The following DDX50 variants were observed in gnomAD, a reference collection of about 807,000 sequenced individuals.
DDX50 encodes the protein ATP-dependent RNA helicase DDX50.
DDX50 carries 56 observed loss-of-function variants against 94.8 expected under a neutral mutation model. The observed-to-expected ratio is 0.59, with a 90% confidence interval of 0.48 to 0.74. The LOEUF (loss-of-function observed/expected upper bound fraction) is 0.74, where lower values mean the gene tolerates loss of function less well. Ranked by LOEUF, DDX50 falls within the 30% of genes least tolerant of loss-of-function variation. The pLI, the probability that DDX50 is intolerant of heterozygous loss-of-function variation, is 0.00. For missense variants in DDX50, 713 were observed against 881.2 expected, an observed-to-expected ratio of 0.81 and a Z score of 2.42; for synonymous variants, 264 against 295.4, an observed-to-expected ratio of 0.89 and a Z score of 1.09.
rs1254760176 is a variant in DDX50, at chr10:68,923,024, C to T, written c.1239+3043C>T. Among the ~76,000 whole-genome samples, 7 of 146,412 alleles carry T rather than the reference C, an allele frequency of 4.8e-5. No homozygotes were observed. The East Asian group carries it at 1.2e-3, about 26-fold the overall frequency. On this transcript the variant is annotated intron_variant, in intron 8 of 14. Transcript: ENST00000373585. ...CAGGCTGGTCTCAAACTCTTGACCT[C>T]GTGATCTGCCCGCCTTGGCCTCCCA...
At chr10:68,909,548 A>T (rs1841564200) in intron 2 of DDX50, among the ~76,000 whole-genome samples, 1 of 152,134 alleles carries the variant, frequency 6.6e-6, no homozygotes, top group African/African-American at 2.4e-5. Flanking sequence ...TAATCTTTAT[A>T]ATTTTGTCTA....
chr10:68,937,182 G>A (rs1320150984), intron 12 of DDX50, 87 bp downstream of exon 12: 3 of 1,358,350 alleles, frequency 2.2e-6, no homozygotes, highest in Admixed American at 5.0e-5. Context: ...TGTGCTTTTT[G>A]TGCAGAAAAA....
chr10:68,942,760 T>C (rs184224731), intron 13 of DDX50, among the ~76,000 whole-genome samples: 295 of 152,134 alleles, frequency 1.9e-3, no homozygotes, highest in African/African-American at 6.7e-3. Context: ...ACTACAGTCA[T>C]GCATCACCAC....
At position 68,941,245 on chromosome 10, in the gene DDX50, T is replaced by C; in HGVS notation, c.1890+51T>C. The C allele has an allele frequency of 1.9e-6, 3 of 1,590,384 alleles. No individual in the cohort carries two copies. In the South Asian group the frequency reaches 3.5e-5, roughly 18 times the overall value. ...GCTTTTTAATCAACTACCCCAAATG[T>C]TTACAAACACTAGCAAATTTTGTTC... On this transcript the variant is annotated intron_variant, in intron 13 of 14. Coordinates refer to ENST00000373585, the MANE Select transcript of DDX50 (RefSeq NM_024045.2).
chr10:68,916,046 A>G (rs1841780518), intron 7 of DDX50, among the ~76,000 whole-genome samples: 1 of 152,090 alleles, frequency 6.6e-6, no homozygotes, highest in East Asian at 1.9e-4. Context: ...GGGAAGGGGC[A>G]TGCTGGATGG....
Position 68,937,104 on chromosome 10 carries a change from C to T in DDX50, c.1755+9C>T, listed in dbSNP as rs1196325501. On this transcript the variant is annotated intron_variant, in intron 12 of 14. Coordinates refer to ENST00000373585, the MANE Select transcript of DDX50 (RefSeq NM_024045.2). Reference sequence around the variant, plus strand: ...TGATCACCTCTGATAAGGTAGAAATCTGTGAGAAAATTGTACATGAGTGGG... The same window carrying T: ...TGATCACCTCTGATAAGGTAGAAATTTGTGAGAAAATTGTACATGAGTGGG... 6 of 1,582,118 alleles carry T rather than the reference C, an allele frequency of 3.8e-6. No individual in the cohort carries two copies. Among genetic ancestry groups the T allele is most frequent in the Non-Finnish European group, 5.2e-6 (6 of 1,159,360 alleles).
chr10:68,931,601 C>T (rs996145697), intron 8 of DDX50, among the ~76,000 whole-genome samples: 36 of 151,268 alleles, frequency 2.4e-4, no homozygotes, highest in African/African-American at 8.0e-4. Context: ...CCACCACACC[C>T]GGCTACTTTT....
chr10:68,916,267 T>C (rs1841787586), intron 7 of DDX50, among the ~76,000 whole-genome samples: 1 of 151,216 alleles, frequency 6.6e-6, no homozygotes. Context: ...GGCAGGAGAA[T>C]TGCTTGAACC....
intron 8 of DDX50, among the ~76,000 whole-genome samples, chr10:68,924,087 AGCTGGGATTAGAGTT>A (rs1483459071): frequency 2.0e-5 from 3 of 150,954 alleles, no homozygotes; most frequent in South Asian, 4.2e-4. Context: ...GTACTACAGT[AGCTGGGATTAGAGTT>A]GCTGGGATTA....
Position 68,911,068 on chromosome 10 carries a change from G to A in DDX50, c.461G>A (p.Gly154Asp), listed in dbSNP as rs1156282215. The A allele has an allele frequency of 1.3e-6, 2 of 1,528,284 alleles. No individual in the cohort carries two copies. The highest frequency in any genetic ancestry group is 2.2e-5 in the Admixed American group (1 of 45,840). The allele number at this position is 1,528,284 out of a possible 1,614,324, so 94.7% of individuals were successfully genotyped here. ...ISEETIKLLKGRGVTYLFPIQ... is the reference protein window; with the variant it reads ...ISEETIKLLKDRGVTYLFPIQ... ...ATTTTAATTAAATCTCATTTTACAG[G>A]TCGAGGGGTAACATATCTCTTTCCT... The change falls in exon 4 of 15, where the codon GGT (glycine) becomes GAT (aspartate). Residue 154 changes from glycine (G) to aspartate (D), a missense_variant and splice_region_variant. By Grantham distance (94) the Gly-to-Asp change is moderately conservative. Transcript: ENST00000373585.
At chr10:68,913,931 CTG>C (rs1841709073) in intron 6 of DDX50, 126 bp from the exon 7 acceptor site, 1 of 912,084 alleles carries the variant, frequency 1.1e-6, no homozygotes, top group East Asian at 3.0e-5. Context: ...GCAATGAAGT[CTG>C]TGTGTTAAAA....
At chr10:68,902,996 G>T (rs1841334711) in intron 1 of DDX50, among the ~76,000 whole-genome samples, 1 of 152,154 alleles carries the variant, frequency 6.6e-6, no homozygotes, top group African/African-American at 2.4e-5. Flanking sequence ...TAAATTGGTG[G>T]CTTTCACATT....
chr10:68,926,774 TACACACACACACACAC>T (rs67773821), intron 8 of DDX50, among the ~76,000 whole-genome samples: 9 of 140,328 alleles, frequency 6.4e-5, no homozygotes, highest in Non-Finnish European at 9.4e-5. Flanking sequence ...CACACAGAGA[TACACACACACACACAC>T]ACACACACAC....
chr10:68,921,042 T>C (rs1013156968), intron 8 of DDX50, among the ~76,000 whole-genome samples: 20 of 151,898 alleles, frequency 1.3e-4, no homozygotes, highest in African/African-American at 4.8e-4. Context: ...GGAACCCCTA[T>C]GTATTCATCC....
intron 14 of DDX50, among the ~76,000 whole-genome samples, chr10:68,944,410 G>A (rs1187871747): frequency 2.6e-5 from 4 of 152,112 alleles, no homozygotes; most frequent in Non-Finnish European, 5.9e-5. Flanking sequence ...TTGTATCTCA[G>A]TACATACTTA....
At chr10:68,907,488 G>T (rs1254907151) in intron 2 of DDX50, among the ~76,000 whole-genome samples, 3 of 151,540 alleles carry the variant, frequency 2.0e-5, no homozygotes, top group Non-Finnish European at 2.9e-5. Flanking sequence ...GCAAATTTTT[G>T]TATTTTTAGT....
intron 8 of DDX50, among the ~76,000 whole-genome samples, chr10:68,929,284 CCTTCCTTCCT>C (rs1222029996): frequency 7.7e-5 from 6 of 77,890 alleles, no homozygotes; most frequent in Non-Finnish European, 1.3e-4. Context: ...TTCCTTCCTT[CCTTCCTTCCT>C]CTCTCTCTCT....
chr10:68,923,406 C>CT, intron 8 of DDX50, among the ~76,000 whole-genome samples: 1 of 150,948 alleles, frequency 6.6e-6, no homozygotes, highest in Admixed American at 6.6e-5. Context: ...TGGGATTTCT[C>CT]TAAGTTGCCC....
chr10:68,905,318 T>A (rs900595570), intron 1 of DDX50, among the ~76,000 whole-genome samples: 12 of 151,284 alleles, frequency 7.9e-5, no homozygotes, highest in Admixed American at 7.9e-4. Flanking sequence ...TGAAAAATAG[T>A]GTTTTTTAAA....
Sources: gnomAD v4.1 joint callset for allele counts (sites outside exome capture counted in the v4.1 genomes callset) on GRCh38, gnomAD v4.1.1 for gene constraint, MANE v1.5 for transcripts, NCBI Gene and HGNC (gene_info 2026-07-23, HGNC 2026-07-21) for gene names.